The following RB1 variants were observed in gnomAD, a reference collection of about 807,000 sequenced individuals.
RB1 encodes the protein retinoblastoma-associated protein.
In RB1, 18 loss-of-function variants were observed where a neutral mutation model predicts 135.4. The observed-to-expected ratio is 0.13, with a 90% CI of 0.09 to 0.20. The LOEUF is 0.20. Among genes scored for constraint, RB1 ranks in the 10% least tolerant of loss-of-function variants. The probability of loss-of-function intolerance (pLI) is 1.00; values close to 1 mark genes in which losing one functional copy is unlikely to be tolerated. For synonymous variants in RB1, 365 were observed against 373.2 expected (o/e 0.98, Z 0.25); for missense variants, 868 against 1,110.0 (o/e 0.78, Z 3.10).
intron 1 of RB1, among the ~76,000 whole-genome samples, chr13:48,304,339 A>AG (rs1413089188): frequency 6.6e-6 from 1 of 152,130 alleles, no homozygotes; most frequent in Non-Finnish European, 1.5e-5. Flanking sequence ...TCGGAGGCAG[A>AG]GGGTCGTTGC....
At position 48,419,948 on chromosome 13, in the gene RB1, CT is replaced by C. The variant is rs1279553587; in HGVS notation, c.1696-33044del. ...GAGCAGATGGATTCACAGCTGAATT[CT>C]GCCAGAGGTACAAGGAGGAGCTGGT... On this transcript the variant is annotated intron_variant, in intron 17 of 26. Transcript: ENST00000267163. Among the ~76,000 whole-genome samples, 16 of 152,324 alleles carry C rather than the reference CT, an allele frequency of 1.1e-4. No individual in the cohort carries two copies. In the South Asian group the frequency reaches 2.5e-3, roughly 24 times the overall value.
At position 48,303,846 on chromosome 13, in the gene RB1, C is replaced by T; in HGVS notation, c.-67C>T. On this transcript the variant is annotated 5_prime_UTR_variant, in exon 1 of 27. It adds an upstream start codon to the 5' untranslated region. Coordinates refer to ENST00000267163, the MANE Select transcript of RB1 (RefSeq NM_000321.3). ...CGGGAGAGGACGGGGCGTGCCCCGA[C>T]GTGCGCGCGCGTCGTCCTCCCCGGC... The T allele has an allele frequency of 6.7e-7, 1 of 1,494,718 alleles. No homozygotes were observed. Among genetic ancestry groups the T allele is most frequent in the Non-Finnish European group, 8.9e-7 (1 of 1,129,290 alleles). 92.6% of individuals were successfully genotyped at this position (1,494,718 alleles called of 1,614,324 possible).
rs202095792 is a variant in RB1, at chr13:48,335,609, T to TC, written c.265-6990_265-6989insC. Among the ~76,000 whole-genome samples, 1,306 of 152,268 alleles carry TC rather than the reference T, an allele frequency of 8.6e-3. 65 individuals are homozygous for TC. In the East Asian group the frequency reaches 0.12, roughly 14 times the overall value. On this transcript the variant is annotated intron_variant, in intron 2 of 26. Transcript: ENST00000267163. ...ATGTTTGTTGAAAGTACCTTTTTTT[T>TC]TTTGCAAAGTGCTTGTTCTTTGCCC...
At chr13:48,424,824 G>A (rs929245391) in intron 17 of RB1, among the ~76,000 whole-genome samples, 3 of 152,020 alleles carry the variant, frequency 2.0e-5, no homozygotes, top group Admixed American at 1.3e-4. Flanking sequence ...AGGCCAAGGC[G>A]GGCAGACCTC....
rs1593422210 is a variant in RB1, at chr13:48,319,981, A to G, written c.264+12575A>G. The G allele has an allele frequency of 1.0e-5, 4 of 390,768 alleles. No homozygotes were observed. The highest frequency in any genetic ancestry group is 4.2e-5 in the African/African-American group (2 of 47,532). The allele number at this position is 390,768 out of a possible 1,614,324, so 24.2% of individuals were successfully genotyped here. On this transcript the variant is annotated intron_variant, in intron 2 of 26. Coordinates refer to ENST00000267163, the MANE Select transcript of RB1 (RefSeq NM_000321.3). This position sits in a 1 kb window ranked among gnomAD's most constrained non-coding sequence, Gnocchi z 5.0. ...CGTGAGATAGTTCTGGCTTACATCT[A>G]CTGCCACTGCCTGCAGCCCTGGAAG...
At chr13:48,477,942 T>C (rs1949514092) in intron 26 of RB1, among the ~76,000 whole-genome samples, 1 of 152,150 alleles carries the variant, frequency 6.6e-6, no homozygotes, top group Non-Finnish European at 1.5e-5. Context: ...TTAGGGTAAG[T>C]GGAATTCTAT....
intron 13 of RB1, among the ~76,000 whole-genome samples, chr13:48,378,745 A>T (rs2138139380): frequency 6.6e-6 from 1 of 152,318 alleles, no homozygotes; most frequent in South Asian, 2.1e-4. Context: ...GTTTATTTAC[A>T]TCAGCATCAT....
chr13:48,434,393 C>A (rs185636746), intron 17 of RB1, among the ~76,000 whole-genome samples: 1 of 152,160 alleles, frequency 6.6e-6, no homozygotes, highest in African/African-American at 2.4e-5. Flanking sequence ...TTCAATATTG[C>A]TCTGTCAGCA....
chr13:48,314,876 G>A (rs1042959750), intron 2 of RB1, among the ~76,000 whole-genome samples: 28 of 151,886 alleles, frequency 1.8e-4, no homozygotes, highest in Admixed American at 1.4e-3. Context: ...TTGTATATTA[G>A]ATCTCTGGAC....
chr13:48,320,299 AC>A, intron 2 of RB1: 1 of 1,237,084 alleles, frequency 8.1e-7, no homozygotes, highest in Non-Finnish European at 1.2e-6. Flanking sequence ...GCCCCGAGCA[AC>A]CCCGCTGCGC....
At chr13:48,343,444 T>G (rs1488524541) in intron 3 of RB1, among the ~76,000 whole-genome samples, 1 of 152,174 alleles carries the variant, frequency 6.6e-6, no homozygotes, top group Non-Finnish European at 1.5e-5. Context: ...AATTGTTGCA[T>G]TTTTGAAATA....
intron 2 of RB1, among the ~76,000 whole-genome samples, chr13:48,310,421 G>A (rs938280418): frequency 2.6e-5 from 4 of 152,134 alleles, no homozygotes; most frequent in Non-Finnish European, 4.4e-5. Context: ...GATATACCAT[G>A]TCCGAACTCC....
chr13:48,441,625 G>A (rs1020478075), intron 17 of RB1, among the ~76,000 whole-genome samples: 3 of 152,022 alleles, frequency 2.0e-5, no homozygotes, highest in Non-Finnish European at 4.4e-5. Context: ...TAATAGTGTT[G>A]TTTAATTTTT....
rs182769657 is a variant in RB1 at position 48,320,527 on chromosome 13, G to C, written c.264+13121G>C. 8.2e-3 allele frequency: 4,542 copies of C among 551,142 alleles called. 38 individuals are homozygous for C. The highest frequency in any genetic ancestry group is 0.01 in the South Asian group (534 of 51,118). The allele number at this position is 551,142 out of a possible 1,614,324, so 34.1% of individuals were successfully genotyped here. On this transcript the variant is annotated intron_variant, in intron 2 of 26. Coordinates refer to ENST00000267163, the MANE Select transcript of RB1 (RefSeq NM_000321.3). ...GGGACGACGCTTTATTTCTCTGCCA[G>C]CTTCATATACTCAAAAGGTTGGCAG...
chr13:48,322,862 G>A (rs1373108349), intron 2 of RB1, among the ~76,000 whole-genome samples: 1 of 152,044 alleles, frequency 6.6e-6, no homozygotes, highest in Non-Finnish European at 1.5e-5. Flanking sequence ...TCTGGAATAA[G>A]TCCCACTTGG....
At chr13:48,388,673 A>T (rs1223308800) in intron 17 of RB1, among the ~76,000 whole-genome samples, 1 of 152,204 alleles carries the variant, frequency 6.6e-6, no homozygotes, top group African/African-American at 2.4e-5. Context: ...TGCTTTGCTG[A>T]GTAACTGAAG....
chr13:48,340,951 A>G (rs1377909429), intron 2 of RB1: 1 of 152,240 alleles, frequency 6.6e-6, no homozygotes, highest in African/African-American at 2.4e-5. Context: ...TACACAAAAT[A>G]TGCCAATTTT....
intron 17 of RB1, among the ~76,000 whole-genome samples, chr13:48,444,118 C>T (rs1239434645): frequency 6.6e-6 from 1 of 152,084 alleles, no homozygotes; most frequent in East Asian, 1.9e-4. Context: ...TACCTCATAC[C>T]CCCAGACACC....
At chr13:48,320,362 A>G in intron 2 of RB1, 1 of 1,238,262 alleles carries the variant, frequency 8.1e-7, no homozygotes, top group Non-Finnish European at 1.2e-6. Context: ...CACGCTCTCC[A>G]CCCCCTCGTC....
Sources: gnomAD v4.1 joint callset for allele counts (sites outside exome capture counted in the v4.1 genomes callset) on GRCh38, gnomAD v4.1.1 for gene constraint, Gnocchi (gnomAD v3.1) non-coding constraint, MANE v1.5 for transcripts, NCBI Gene and HGNC (gene_info 2026-07-23, HGNC 2026-07-21) for gene names.